The following PARVG variants were observed in gnomAD, a reference collection of about 807,000 sequenced individuals.
The protein encoded by PARVG is parvin gamma, also known as gamma-parvin.
PARVG carries 36 observed loss-of-function variants against 44.4 expected under a neutral mutation model. The ratio of observed to expected loss-of-function variants is 0.81; its 90% CI spans 0.62 to 1.07. The LOEUF (loss-of-function observed/expected upper bound fraction) is 1.07. Ranked by LOEUF, PARVG falls within the 50% of genes least tolerant of loss-of-function variation. The probability of loss-of-function intolerance (pLI) is 0.00; values close to 1 mark genes in which losing one functional copy is unlikely to be tolerated. For missense variants in PARVG, 407 were observed against 407.4 expected, an observed-to-expected ratio of 1.00 and a Z score of 0.01; for synonymous variants, 170 against 174.1, an observed-to-expected ratio of 0.98 and a Z score of 0.19.
chr22:44,187,935 C>A (rs1344968757), intron 5 of PARVG, 57 bp downstream of exon 5: 1 of 1,551,154 alleles, frequency 6.4e-7, no homozygotes, highest in Non-Finnish European at 8.9e-7. Context: ...TGACCTGGCC[C>A]CTCCAGGGCC....
intron 7 of PARVG, 58 bp downstream of exon 7, chr22:44,190,724 T>TACGGCAATGGGG: frequency 7.1e-7 from 1 of 1,409,148 alleles, no homozygotes; most frequent in Non-Finnish European, 1.0e-6. Flanking sequence ...GGGCCCCCAT[T>TACGGCAATGGGG]GCCGTACCCT....
At position 44,196,189 on chromosome 22, in the gene PARVG, G is replaced by A. The variant is rs150913220; in HGVS notation, c.618G>A (p.Pro206=). 63 of 1,614,166 alleles carry A rather than the reference G, an allele frequency of 3.9e-5. No individual in the cohort carries two copies. Among genetic ancestry groups the A allele is most frequent in the South Asian group, 2.1e-4 (19 of 91,084 alleles). The change falls in exon 10 of 14, where the codon CCG becomes CCA. Residue 206 remains proline (P), a synonymous_variant. Coordinates refer to ENST00000444313, the MANE Select transcript of PARVG (RefSeq NM_022141.7). Reference sequence around the variant, plus strand: ...TTGATGAATTATTTAAGCTGGCTCCGGAGAAAGTGAACGCAGTGAAAGAGG... The same window carrying A: ...TTGATGAATTATTTAAGCTGGCTCCAGAGAAAGTGAACGCAGTGAAAGAGG... The part of the protein sequence containing the change: ...DVFDELFKLA[P]EKVNAVKEAI...
intron 9 of PARVG, 57 bp from the exon 10 acceptor site, chr22:44,196,098 G>A (rs1271223056): frequency 1.2e-6 from 2 of 1,601,876 alleles, no homozygotes; most frequent in East Asian, 2.2e-5. Flanking sequence ...AAAATTCCCT[G>A]TTTGGCACAA....
intron 12 of PARVG, among the ~76,000 whole-genome samples, 164 bp from the exon 13 acceptor site, chr22:44,205,593 G>A (rs2054769609): frequency 6.6e-6 from 1 of 152,218 alleles, no homozygotes; most frequent in South Asian, 2.1e-4. Context: ...GGGAGATGCT[G>A]GATGACCACG....
intron 3 of PARVG, chr22:44,185,053 C>T (rs2054444073): frequency 6.6e-6 from 1 of 152,272 alleles, no homozygotes. Flanking sequence ...GCTCACCCGC[C>T]CAAGTGTTTG....
At chr22:44,193,410 G>A (rs1052408252) in intron 8 of PARVG, among the ~76,000 whole-genome samples, 3 of 152,152 alleles carry the variant, frequency 2.0e-5, no homozygotes, top group African/African-American at 4.8e-5. Flanking sequence ...GAGAACACGG[G>A]GGGTGCTGGG....
intron 4 of PARVG, 117 bp downstream of exon 4, chr22:44,185,989 G>A (rs767210134): frequency 1.1e-5 from 10 of 878,000 alleles, no homozygotes; most frequent in Middle Eastern, 2.4e-4. Context: ...GCTGGGGGGT[G>A]GCGACCCCCG....
chr22:44,181,165 C>A lies in PARVG; in HGVS notation c.-209C>A. The A allele has an allele frequency of 2.6e-6, 1 of 390,274 alleles. No homozygotes were observed. Among genetic ancestry groups the A allele is most frequent in the Non-Finnish European group, 3.5e-6 (1 of 285,718 alleles). 24.2% of individuals were successfully genotyped at this position (390,274 alleles called of 1,614,324 possible). ...TTTATTCACTGAGCCCACTTTGTGCCAAGCATTGTTCTAGACACGGGTATG... is the reference window on the plus strand; with the variant it reads ...TTTATTCACTGAGCCCACTTTGTGCAAAGCATTGTTCTAGACACGGGTATG... On this transcript the variant is annotated 5_prime_UTR_variant, in exon 1 of 14. Transcript: ENST00000444313.
intron 4 of PARVG, 155 bp from the exon 5 acceptor site, chr22:44,187,621 G>A (rs1471019694): frequency 1.4e-6 from 1 of 695,814 alleles, no homozygotes; most frequent in Non-Finnish European, 2.5e-6. Context: ...TAACAGCCTG[G>A]GAGATCAAGG....
chr22:44,186,044 G>A (rs1401861350), intron 4 of PARVG, 172 bp downstream of exon 4: 2 of 493,540 alleles, frequency 4.1e-6, no homozygotes, highest in Admixed American at 3.3e-5. Flanking sequence ...CACCCACAGA[G>A]CCTGCATGAA....
At position 44,180,928 on chromosome 22, in the gene PARVG, T is replaced by C. The variant is rs141449992; in HGVS notation, c.-446T>C. Reference sequence around the variant, plus strand: ...CAGCCCGGATGGTGAAGATTCCAGCTTGAGAGACCAGCTCGGGTCTGAAGT... The same window carrying C: ...CAGCCCGGATGGTGAAGATTCCAGCCTGAGAGACCAGCTCGGGTCTGAAGT... On this transcript the variant is annotated 5_prime_UTR_variant, in exon 1 of 14. Transcript: ENST00000444313. The C allele has an allele frequency of 6.6e-4, 648 of 985,422 alleles. 2 individuals carry two copies. The highest frequency in any genetic ancestry group is 4.8e-3 in the African/African-American group (273 of 57,338). The allele number at this position is 985,422 out of a possible 1,614,324, so 61.0% of individuals were successfully genotyped here.
chr22:44,202,726 C>T (rs139166), intron 12 of PARVG, among the ~76,000 whole-genome samples: 45,992 of 152,106 alleles, frequency 0.3, 7,248 homozygotes, highest in Non-Finnish European at 0.36. Context: ...TGGGCCTCTG[C>T]GGAATTGTTA....
At chr22:44,197,100 G>A (rs2054629002) in intron 11 of PARVG, among the ~76,000 whole-genome samples, 2 of 152,170 alleles carry the variant, frequency 1.3e-5, no homozygotes, top group South Asian at 2.1e-4. Flanking sequence ...TAGGCATCTG[G>A]CCACCTGGGT....
chr22:44,200,093 C>T (rs185633735), intron 12 of PARVG, among the ~76,000 whole-genome samples: 20 of 152,300 alleles, frequency 1.3e-4, no homozygotes, highest in South Asian at 6.2e-4. Context: ...GTCCTGCCTC[C>T]GCCCCCGCCA....
Position 44,206,371 on chromosome 22 carries a change from G to A in PARVG, c.941G>A (p.Cys314Tyr), listed in dbSNP as rs2054781630. 1 of 1,614,042 alleles carries A rather than the reference G, an allele frequency of 6.2e-7. No homozygotes were observed. The highest frequency in any genetic ancestry group is 8.5e-7 in the Non-Finnish European group (1 of 1,179,990). Residue 314 changes from cysteine (C) to tyrosine (Y), a missense_variant, in exon 14 of 14, where the codon TGC becomes TAC. Cys to Tyr is a radical substitution (Grantham distance 194, BLOSUM62 -2). Transcript: ENST00000444313. ...CTGAGGGTGCTCTATGGTCTGTTCT[G>A]CAAGCACACGCAGAAGGCACACAGG... is the stretch of plus-strand genomic sequence containing the variant. ...STLRVLYGLF[C>Y]KHTQKAHRDR...
intron 6 of PARVG, among the ~76,000 whole-genome samples, chr22:44,190,100 C>CA (rs1209665437): frequency 6.6e-6 from 1 of 152,176 alleles, no homozygotes; most frequent in Non-Finnish European, 1.5e-5. Context: ...GAGGATTTAA[C>CA]AGAGTCCGTT....
upstream of PARVG, among the ~76,000 whole-genome samples, chr22:44,177,783 T>C (rs1264251841): frequency 2.0e-5 from 3 of 152,174 alleles, no homozygotes; most frequent in African/African-American, 7.2e-5. Context: ...GGAGGATCAC[T>C]TAAGCCCAGG....
chr22:44,202,422 C>T (rs1451504957), intron 12 of PARVG, among the ~76,000 whole-genome samples: 1 of 152,252 alleles, frequency 6.6e-6, no homozygotes, highest in Admixed American at 6.5e-5. Flanking sequence ...CCCTGGGCTG[C>T]AGGGCCTCTG....
In PARVG at chr22:44,181,810, C is replaced by G. The variant is rs2054383537; in HGVS notation, c.-120C>G. The G allele has an allele frequency of 6.1e-6, 6 of 985,446 alleles. No individual in the cohort carries two copies. The South Asian group carries it at 2.8e-4, about 46-fold the overall frequency. 61.0% of individuals were successfully genotyped at this position (985,446 alleles called of 1,614,324 possible). ...AGCAGCGGGGCTCCTGCCTCCCGGCCTGGTCCCCGAAGACCCCAGAAGAAC... is the reference window on the plus strand; with the variant it reads ...AGCAGCGGGGCTCCTGCCTCCCGGCGTGGTCCCCGAAGACCCCAGAAGAAC... On this transcript the variant is annotated 5_prime_UTR_variant, in exon 2 of 14. Coordinates refer to ENST00000444313, the MANE Select transcript of PARVG (RefSeq NM_022141.7).
Sources: allele counts gnomAD v4.1 joint callset (sites outside exome capture counted in the v4.1 genomes callset), GRCh38; gene constraint gnomAD v4.1.1; transcripts MANE v1.5; gene names NCBI Gene and HGNC (gene_info 2026-07-23, HGNC 2026-07-21).